The following PRKCH variants were observed in gnomAD, a reference collection of about 807,000 sequenced individuals.
PRKCH encodes protein kinase C eta type.
Under a neutral mutation model 82.5 loss-of-function variants are expected in PRKCH, and 28 were observed. The ratio of observed to expected loss-of-function variants is 0.34; its 90% confidence interval spans 0.25 to 0.47. The LOEUF (loss-of-function observed/expected upper bound fraction) is 0.47. Among genes scored for constraint, PRKCH ranks in the 20% least tolerant of loss-of-function variants. The pLI is 1.00. For missense variants in PRKCH, 705 were observed against 881.8 expected (o/e 0.80, Z 2.54); for synonymous variants, 322 against 327.4 (o/e 0.98, Z 0.18).
chr14:61,515,048 T>C (rs2042803017), intron 10 of PRKCH, among the ~76,000 whole-genome samples: 1 of 152,196 alleles, frequency 6.6e-6, no homozygotes, highest in African/African-American at 2.4e-5. Context: ...ATCACAGAGT[T>C]GTTTATAACA....
At chr14:61,207,444 C>A (rs1566780477) in intron 1 of PRKCH, among the ~76,000 whole-genome samples, 2 of 152,182 alleles carry the variant, frequency 1.3e-5, no homozygotes, top group African/African-American at 2.4e-5. Flanking sequence ...GACATTAAGT[C>A]CCCTTTGGTT....
At chr14:61,352,714 G>GAAAGAAAGAAAGAAAGAAAA (rs2046098298) in intron 1 of PRKCH, among the ~76,000 whole-genome samples, 1 of 151,150 alleles carries the variant, frequency 6.6e-6, no homozygotes, top group East Asian at 1.9e-4. Context: ...AAGAAAGAAA[G>GAAAGAAAGAAAGAAAGAAAA]AAAGAAAGAA....
upstream of PRKCH, among the ~76,000 whole-genome samples, chr14:61,321,519 C>A (rs2045621676): frequency 6.6e-6 from 1 of 152,146 alleles, no homozygotes; most frequent in African/African-American, 2.4e-5. This position sits in a 1 kb window ranked among gnomAD's most constrained non-coding sequence, Gnocchi z 4.1. Context: ...AGGGCCGGGC[C>A]GCGGACCGCG....
At chr14:61,355,663 G>A (rs1855998710) in intron 1 of PRKCH, among the ~76,000 whole-genome samples, 2 of 152,012 alleles carry the variant, frequency 1.3e-5, no homozygotes, top group African/African-American at 4.8e-5. Context: ...TATTCAACAT[G>A]GAAATTTCTT....
chr14:61,424,667 G>C (rs1797955949), intron 2 of PRKCH, among the ~76,000 whole-genome samples: 1 of 152,194 alleles, frequency 6.6e-6, no homozygotes, highest in South Asian at 2.1e-4. Context: ...CCATTTTCTG[G>C]GGAGAAATTA....
chr14:61,340,693 C>T (rs1467300336), intron 1 of PRKCH, among the ~76,000 whole-genome samples: 1 of 152,200 alleles, frequency 6.6e-6, no homozygotes, highest in Non-Finnish European at 1.5e-5. Flanking sequence ...GGTCCAGGGT[C>T]CCATGTCTGA....
intron 1 of PRKCH, among the ~76,000 whole-genome samples, chr14:61,284,521 C>T (rs1191387228): frequency 6.6e-6 from 1 of 152,136 alleles, no homozygotes; most frequent in Non-Finnish European, 1.5e-5. Context: ...TACCAAGGTC[C>T]ATGTATACAC....
chr14:61,195,113 G>A (rs2044431880), intron 1 of PRKCH, among the ~76,000 whole-genome samples: 1 of 152,028 alleles, frequency 6.6e-6, no homozygotes, highest in Non-Finnish European at 1.5e-5. Context: ...TATTCTTCCT[G>A]GTATTACCAT....
At chr14:61,384,071 G>T (rs1052272820) in intron 1 of PRKCH, among the ~76,000 whole-genome samples, 10 of 152,108 alleles carry the variant, frequency 6.6e-5, no homozygotes, top group Non-Finnish European at 1.5e-4. Context: ...CATGACTGCA[G>T]GAGAAAGGAT....
intron 9 of PRKCH, among the ~76,000 whole-genome samples, chr14:61,471,975 GTTA>G (rs1885525921): frequency 6.6e-6 from 1 of 152,158 alleles, no homozygotes; most frequent in Non-Finnish European, 1.5e-5. Flanking sequence ...AAATATAAGC[GTTA>G]TTTTTTTTCT....
chr14:61,304,353 C>T (rs1239940601), intron 1 of PRKCH: 3 of 152,114 alleles, frequency 2.0e-5, no homozygotes, highest in Non-Finnish European at 4.4e-5. Context: ...TATATTTACA[C>T]GTCTACTTAC....
At chr14:61,335,396 A>G (rs993513072) in intron 1 of PRKCH, among the ~76,000 whole-genome samples, 1 of 152,158 alleles carries the variant, frequency 6.6e-6, no homozygotes, top group Non-Finnish European at 1.5e-5. Context: ...ATAAATATTA[A>G]TGGAAAGTTT....
At chr14:61,328,864 T>C (rs1303967022) in intron 1 of PRKCH, among the ~76,000 whole-genome samples, 2 of 151,848 alleles carry the variant, frequency 1.3e-5, no homozygotes, top group African/African-American at 4.8e-5. Context: ...CACATGCCTC[T>C]AGTCCCAGCT....
intron 1 of PRKCH, among the ~76,000 whole-genome samples, chr14:61,269,573 T>C (rs958230347): frequency 1.3e-5 from 2 of 152,190 alleles, no homozygotes; most frequent in South Asian, 2.1e-4. Context: ...CGTCCATGTG[T>C]TCTCATCCTT....
chr14:61,324,346 G>A (rs2045668060), intron 1 of PRKCH, among the ~76,000 whole-genome samples: 1 of 152,306 alleles, frequency 6.6e-6, no homozygotes, highest in Middle Eastern at 3.4e-3. Context: ...TAACCCACTG[G>A]TGGTGTTTTG....
intron 1 of PRKCH, among the ~76,000 whole-genome samples, chr14:61,216,275 T>G (rs1385029384): frequency 6.6e-6 from 1 of 151,828 alleles, no homozygotes; most frequent in Non-Finnish European, 1.5e-5. Context: ...AGACCAGCCT[T>G]GCCAACATGG....
intron 1 of PRKCH, among the ~76,000 whole-genome samples, chr14:61,272,463 C>T (rs112906323): frequency 0.045 from 6,657 of 147,692 alleles, 197 homozygotes; most frequent in Non-Finnish European, 0.064. Flanking sequence ...AAGCGATTCT[C>T]CTGCCTCAGC....
At chr14:61,313,009 A>G (rs936868558) in intron 1 of PRKCH, among the ~76,000 whole-genome samples, 3 of 152,232 alleles carry the variant, frequency 2.0e-5, no homozygotes, top group Non-Finnish European at 2.9e-5. Flanking sequence ...TCAAAGGCTA[A>G]AAGAGTGTGT....
intron 1 of PRKCH, among the ~76,000 whole-genome samples, chr14:61,289,055 T>A (rs535596644): frequency 6.6e-6 from 1 of 152,344 alleles, no homozygotes; most frequent in African/African-American, 2.4e-5. Flanking sequence ...CCTCCATATC[T>A]TGGCTTCTAT....
Sources: gnomAD v4.1 joint callset for allele counts (sites outside exome capture counted in the v4.1 genomes callset) on GRCh38, gnomAD v4.1.1 for gene constraint, Gnocchi (gnomAD v3.1) non-coding constraint, MANE v1.5 for transcripts, NCBI Gene and HGNC (gene_info 2026-07-23, HGNC 2026-07-21) for gene names.